The following PIH1D1 variants were observed in gnomAD, a reference collection of about 807,000 sequenced individuals.
PIH1D1 encodes PIH1 domain containing 1.
PIH1D1 carries 28 observed loss-of-function variants against 38.5 expected under a neutral mutation model. The observed-to-expected ratio is 0.73, with a 90% CI of 0.54 to 1.00. The LOEUF is 1.00. PIH1D1 is among the 50% of genes least tolerant of loss of function. PIH1D1 has a pLI of 0.00. For missense variants in PIH1D1, 343 were observed against 369.9 expected (o/e 0.93, Z 0.60); for synonymous variants, 155 against 153.5 (o/e 1.01, Z -0.07).
rs2079063078 is a variant in PIH1D1, at chr19:49,451,799, G to A, written c.-225C>T. The A allele has an allele frequency of 6.1e-6, 8 of 1,318,414 alleles. No homozygotes were observed. Among genetic ancestry groups the A allele is most frequent in the Non-Finnish European group, 7.9e-6 (8 of 1,014,158 alleles). The allele number at this position is 1,318,414 out of a possible 1,614,324, so 81.7% of individuals were successfully genotyped here. ...CTAGACGCACTACCCTCCGTCCTAC[G>A]TGCCGAACTGTAAACGAAGCCACAC... On this transcript the variant is annotated 5_prime_UTR_variant, in exon 1 of 9. In the 5' UTR this introduces an upstream ATG that the reference lacks. Coordinates refer to ENST00000262265, the MANE Select transcript of PIH1D1 (RefSeq NM_017916.3).
At position 49,449,495 on chromosome 19, in the gene PIH1D1, G is replaced by A; in HGVS notation, c.317C>T (p.Pro106Leu). Residue 106 changes from proline to leucine, a missense_variant, in exon 3 of 9, where the codon CCT becomes CTT. Transcript: ENST00000262265. Reference sequence around the variant, plus strand: ...CTGACTTGCATCCAGTTCTGCATGAGGCTCTCCCAGACTCATGGGGATGCG... The same window carrying A: ...CTGACTTGCATCCAGTTCTGCATGAAGCTCTCCCAGACTCATGGGGATGCG... Reference protein sequence around the residue: ...GFRIPMSLGEPHAELDAKGQG... With the variant: ...GFRIPMSLGELHAELDAKGQG... 1.2e-6 allele frequency: 2 copies of A among 1,614,166 alleles called. No individual in the cohort carries two copies. Among genetic ancestry groups the A allele is most frequent in the African/African-American group, 1.3e-5 (1 of 75,056 alleles).
intron 3 of PIH1D1, chr19:49,448,436 G>C (rs962002708): frequency 6.7e-6 from 2 of 298,494 alleles, no homozygotes; most frequent in African/African-American, 4.3e-5. Context: ...TCGGCCCACT[G>C]AATTTCTTTC....
At chr19:49,450,682 A>T (rs1159028256) in intron 2 of PIH1D1, 100 bp downstream of exon 2, 8 of 176,444 alleles carry the variant, frequency 4.5e-5, no homozygotes, top group South Asian at 7.5e-5. Flanking sequence ...TGCTCACCCC[A>T]CCCCCACCCT....
chr19:49,447,700 C>G, intron 5 of PIH1D1, 127 bp downstream of exon 5: 1 of 1,074,448 alleles, frequency 9.3e-7, no homozygotes, highest in Non-Finnish European at 1.4e-6. Flanking sequence ...GGCGTCCAGA[C>G]TCCACCCCCT....
intron 2 of PIH1D1, 107 bp downstream of exon 2, chr19:49,450,675 T>C: frequency 1.4e-6 from 1 of 727,412 alleles, no homozygotes. Context: ...GGGTGTCTGC[T>C]CACCCCACCC....
In PIH1D1 at chr19:49,450,804, C is replaced by T. The variant is rs2122337290; in HGVS notation, c.135G>A (p.Ser45=). 2 of 1,611,322 alleles carry T rather than the reference C, an allele frequency of 1.2e-6. No individual in the cohort carries two copies. Among genetic ancestry groups the T allele is most frequent in the East Asian group, 2.2e-5 (1 of 44,754 alleles). ...LQQAQTTRPE[S]TQIQPQPGFC... ...CACCAGGCTGAGGCTGGATTTGTGT[C>T]GATTCTGGTCTGGTTGTCTGGGCTT... The change falls in exon 2 of 9, where the codon TCG becomes TCA. Residue 45 remains serine, a synonymous_variant. Transcript: ENST00000262265.
intron 5 of PIH1D1, 84 bp from the exon 6 acceptor site, chr19:49,447,551 C>G: frequency 1.3e-6 from 2 of 1,523,462 alleles, no homozygotes; most frequent in Non-Finnish European, 1.8e-6. Context: ...TAGGCTCCAC[C>G]GGCTCACCAG....
At chr19:49,451,337 C>T (rs916777436) in intron 1 of PIH1D1, 148 bp downstream of exon 1, 1 of 1,182,496 alleles carries the variant, frequency 8.5e-7, no homozygotes, top group African/African-American at 1.5e-5. Context: ...CCCCCCACTC[C>T]CATTTCTTAG....
chr19:49,449,955 C>T (rs557517758), intron 2 of PIH1D1, among the ~76,000 whole-genome samples: 9 of 152,076 alleles, frequency 5.9e-5, no homozygotes, highest in East Asian at 5.8e-4. Flanking sequence ...CCACCACGCC[C>T]GGCTAATTTT....
At chr19:49,450,656 G>A in intron 2 of PIH1D1, 126 bp downstream of exon 2, 1 of 864,750 alleles carries the variant, frequency 1.2e-6, no homozygotes, top group Non-Finnish European at 1.8e-6. Flanking sequence ...GTCCTAGGAT[G>A]ATCTCTGTGG....
intron 2 of PIH1D1, 132 bp from the exon 3 acceptor site, chr19:49,449,786 T>C: frequency 3.4e-6 from 2 of 595,652 alleles, no homozygotes; most frequent in African/African-American, 2.3e-5. Context: ...CCGAGATCCC[T>C]CACTTCTCTT....
intron 6 of PIH1D1, 102 bp downstream of exon 6, chr19:49,447,225 CTCCCTCTCTCA>C: frequency 6.6e-7 from 1 of 1,519,010 alleles, no homozygotes; most frequent in Non-Finnish European, 9.0e-7. Flanking sequence ...GTTCTCTCTC[CTCCCTCTCTCA>C]GTGCCCAGGG....
At chr19:49,446,954 C>G in intron 7 of PIH1D1, 70 bp downstream of exon 7, 1 of 1,335,934 alleles carries the variant, frequency 7.5e-7, no homozygotes, top group Non-Finnish European at 1.1e-6. Context: ...CCTTGTCACT[C>G]ACACTCAGAG....
In PIH1D1 at chr19:49,451,735, A is replaced by C; in HGVS notation, c.-161T>G. The C allele has an allele frequency of 7.0e-7, 1 of 1,424,550 alleles. No individual in the cohort carries two copies. Among genetic ancestry groups the C allele is most frequent in the Non-Finnish European group, 9.2e-7 (1 of 1,089,476 alleles). The allele number at this position is 1,424,550 out of a possible 1,614,324, so 88.2% of individuals were successfully genotyped here. ...GCCTAAGACTACATTTCCATTCAAGACCGAACACCATCGTCAAATCCGTGG... is the reference window on the plus strand; with the variant it reads ...GCCTAAGACTACATTTCCATTCAAGCCCGAACACCATCGTCAAATCCGTGG... On this transcript the variant is annotated 5_prime_UTR_variant, in exon 1 of 9. Coordinates refer to ENST00000262265, the MANE Select transcript of PIH1D1 (RefSeq NM_017916.3).
At position 49,449,512 on chromosome 19, in the gene PIH1D1, G is replaced by C; in HGVS notation, c.300C>G (p.Pro100=). 6.2e-7 allele frequency: 1 copy of C among 1,614,188 alleles called. No homozygotes were observed. The highest frequency in any genetic ancestry group is 8.5e-7 in the Non-Finnish European group (1 of 1,180,016). Reference sequence around the variant, plus strand: ...CTGCATGAGGCTCTCCCAGACTCATGGGGATGCGAAACCCAGCTTGGTCCT... The same window carrying C: ...CTGCATGAGGCTCTCCCAGACTCATCGGGATGCGAAACCCAGCTTGGTCCT... ...LEEDQAGFRI[P]MSLGEPHAEL... is the part of the protein sequence containing the mutation. The change falls in exon 3 of 9, where the codon CCC becomes CCG. Residue 100 remains proline, a synonymous_variant. Coordinates refer to ENST00000262265, the MANE Select transcript of PIH1D1 (RefSeq NM_017916.3).
chr19:49,451,332 C>CA (rs1568642842), intron 1 of PIH1D1, 153 bp downstream of exon 1: 2 of 1,108,930 alleles, frequency 1.8e-6, no homozygotes, highest in Middle Eastern at 5.5e-4. Flanking sequence ...CCCGGCCCCC[C>CA]ACTCCCATTT....
intron 5 of PIH1D1, 111 bp from the exon 6 acceptor site, chr19:49,447,578 C>T: frequency 2.2e-6 from 3 of 1,334,730 alleles, no homozygotes; most frequent in Non-Finnish European, 1.0e-6. Flanking sequence ...TGGGGTCTGA[C>T]CACACCCCGC....
At chr19:49,451,419 T>C (rs1174122488) in intron 1 of PIH1D1, 66 bp downstream of exon 1, 2 of 1,605,316 alleles carry the variant, frequency 1.2e-6, no homozygotes, top group Non-Finnish European at 1.7e-6. Context: ...GGAACTGCAG[T>C]CCCATCTTTG....
Position 49,449,503 on chromosome 19 carries a change from C to A in PIH1D1, c.309G>T (p.Leu103=). The change falls in exon 3 of 9, where the codon CTG becomes CTT. Residue 103 remains leucine (L), a synonymous_variant. Coordinates refer to ENST00000262265, the MANE Select transcript of PIH1D1 (RefSeq NM_017916.3). ...DQAGFRIPMS[L]GEPHAELDAK... ...CATCCAGTTCTGCATGAGGCTCTCCCAGACTCATGGGGATGCGAAACCCAG... is the reference window on the plus strand; with the variant it reads ...CATCCAGTTCTGCATGAGGCTCTCCAAGACTCATGGGGATGCGAAACCCAG... 1 of 1,614,204 alleles carries A rather than the reference C, an allele frequency of 6.2e-7. No homozygotes were observed. Among genetic ancestry groups the A allele is most frequent in the Non-Finnish European group, 8.5e-7 (1 of 1,180,020 alleles).
Sources: gnomAD v4.1 joint callset for allele counts (sites outside exome capture counted in the v4.1 genomes callset) on GRCh38, gnomAD v4.1.1 for gene constraint, MANE v1.5 for transcripts, NCBI Gene and HGNC (gene_info 2026-07-23, HGNC 2026-07-21) for gene names.